The following UGT2A3 variants were observed in gnomAD, a reference collection of about 807,000 sequenced individuals.
UGT2A3 encodes UDP-glucuronosyltransferase 2A3.
UGT2A3 carries 55 observed loss-of-function variants against 44.1 expected under a neutral mutation model. The observed-to-expected ratio is 1.25, with a 90% CI of 1.00 to 1.56. The LOEUF (loss-of-function observed/expected upper bound fraction) is 1.56. Among genes scored for constraint, UGT2A3 ranks in the 40% most tolerant of loss-of-function variants. The pLI is 0.00. For missense variants in UGT2A3, 733 were observed against 621.6 expected (o/e 1.18, Z -1.91); for synonymous variants, 243 against 215.1 (o/e 1.13, Z -1.13).
At chr4:68,942,640 A>G (rs1242271292) in intron 2 of UGT2A3, among the ~76,000 whole-genome samples, 3 of 150,898 alleles carry the variant, frequency 2.0e-5, no homozygotes, top group Non-Finnish European at 4.4e-5. Flanking sequence ...CCTCCAGGGC[A>G]TAATGTTAAC....
Position 68,929,377 on chromosome 4 carries a change from G to A in UGT2A3, c.*436C>T, listed in dbSNP as rs1364213018. 6.5e-6 allele frequency: 1 copy of A among 153,518 alleles called. No individual in the cohort carries two copies. The highest frequency in any genetic ancestry group is 1.4e-5 in the Non-Finnish European group (1 of 69,056). The allele number at this position is 153,518 out of a possible 1,614,324, so 9.5% of individuals were successfully genotyped here. ...TAAATTGAAAAAGAAACATCATTAT[G>A]TTTCTCATAGCCAGCTAATCTCATA... On this transcript the variant is annotated 3_prime_UTR_variant, in exon 6 of 6. Coordinates refer to ENST00000251566, the MANE Select transcript of UGT2A3 (RefSeq NM_024743.4).
chr4:68,936,152 C>G (rs1717943718), intron 2 of UGT2A3, among the ~76,000 whole-genome samples: 1 of 152,036 alleles, frequency 6.6e-6, no homozygotes, highest in Non-Finnish European at 1.5e-5. Context: ...GTATATTATC[C>G]AGGAGAACTT....
At position 68,945,240 on chromosome 4, in the gene UGT2A3, T is replaced by C. The variant is rs1285658003; in HGVS notation, c.864+66A>G. 10 of 1,577,002 alleles carry C rather than the reference T, an allele frequency of 6.3e-6. No homozygotes were observed. In the East Asian group the frequency reaches 1.6e-4, roughly 25 times the overall value. On this transcript the variant is annotated intron_variant, in intron 2 of 5. Transcript: ENST00000251566. ...CATCATCCTTCTATAACTAAGGTTG[T>C]AATCTTTCAAGGGAAAACAAGTCAT...
intron 1 of UGT2A3, among the ~76,000 whole-genome samples, chr4:68,947,855 G>A (rs1718436245): frequency 6.6e-6 from 1 of 151,804 alleles, no homozygotes; most frequent in South Asian, 2.1e-4. Flanking sequence ...GGTCTCAACA[G>A]TGTGCTTAAA....
intron 1 of UGT2A3, among the ~76,000 whole-genome samples, chr4:68,947,062 A>T (rs1718408396): frequency 6.6e-6 from 1 of 151,632 alleles, no homozygotes; most frequent in African/African-American, 2.4e-5. Flanking sequence ...ACAATTTTTA[A>T]AATTAGACAA....
intron 2 of UGT2A3, among the ~76,000 whole-genome samples, chr4:68,936,434 A>C (rs1717954781): frequency 6.6e-6 from 1 of 152,136 alleles, no homozygotes; most frequent in Admixed American, 6.6e-5. Flanking sequence ...AGAATTTTCA[A>C]CCCAGAATCA....
chr4:68,942,170 C>T (rs1718211387), intron 2 of UGT2A3, among the ~76,000 whole-genome samples: 1 of 151,490 alleles, frequency 6.6e-6, no homozygotes, highest in Middle Eastern at 3.5e-3. Context: ...GATATCTGTC[C>T]TTCTATGTTT....
At chr4:68,931,312 G>A in intron 3 of UGT2A3, 70 bp from the exon 4 acceptor site, 1 of 1,274,392 alleles carries the variant, frequency 7.8e-7, no homozygotes, top group Non-Finnish European at 1.1e-6. Flanking sequence ...TGTAGATATA[G>A]TTATAAATTA....
rs1255649057 is a variant in UGT2A3, at chr4:68,929,681, G to A, written c.*132C>T. 1 of 831,906 alleles carries A rather than the reference G, an allele frequency of 1.2e-6. No homozygotes were observed. The allele number at this position is 831,906 out of a possible 1,614,324, so 51.5% of individuals were successfully genotyped here. On this transcript the variant is annotated 3_prime_UTR_variant, in exon 6 of 6. Coordinates refer to ENST00000251566, the MANE Select transcript of UGT2A3 (RefSeq NM_024743.4). ...GATATACTCACAACCTCATGATCGT[G>A]GAATTCTAGGCTATATAGCTAAGAT...
At position 68,929,891 on chromosome 4, in the gene UGT2A3, A is replaced by C; in HGVS notation, c.1506T>G (p.Ala502=). 3 of 1,612,976 alleles carry C rather than the reference A, an allele frequency of 1.9e-6. No individual in the cohort carries two copies. The highest frequency in any genetic ancestry group is 2.5e-6 in the Non-Finnish European group (3 of 1,179,268). ...IGFLLACVAT[A]IFLFTKCFLF... ...AAAAACATTTTGTGAACAAGAATATAGCAGTTGCCACACAGGCCAGCAGGA... is the reference window on the plus strand; with the variant it reads ...AAAAACATTTTGTGAACAAGAATATCGCAGTTGCCACACAGGCCAGCAGGA... The change falls in exon 6 of 6, where the codon GCT becomes GCG. Residue 502 remains alanine, a synonymous_variant. Transcript: ENST00000251566.
intron 2 of UGT2A3, among the ~76,000 whole-genome samples, chr4:68,942,601 A>T (rs1243568523): frequency 6.7e-6 from 1 of 150,304 alleles, no homozygotes; most frequent in African/African-American, 2.4e-5. Context: ...AAAGAATGAA[A>T]TCCTGTCATT....
At chr4:68,942,504 G>GATATATATATATATATATATATAT (rs34118122) in intron 2 of UGT2A3, among the ~76,000 whole-genome samples, 10 of 131,006 alleles carry the variant, frequency 7.6e-5, no homozygotes, top group Non-Finnish European at 1.4e-4. Flanking sequence ...TTCCACTGGA[G>GATATATATATATATATATATATAT]ATATATATAT....
Position 68,930,070 on chromosome 4 carries a change from A to AAATGTT in UGT2A3, c.1326_1327insAACATT (p.Arg442_Leu443insAsnIle). The AAATGTT allele has an allele frequency of 6.2e-7, 1 of 1,611,472 alleles. No homozygotes were observed. The highest frequency in any genetic ancestry group is 1.3e-5 in the African/African-American group (1 of 74,926). ...GGTTGATCATGGTGAATTCTTGATA[A>AAATGTT]TCTCATAGCATTCTCTTTATAACTG... On this transcript the variant is annotated inframe_insertion, in exon 6 of 6. Transcript: ENST00000251566.
intron 4 of UGT2A3, among the ~76,000 whole-genome samples, 158 bp from the exon 5 acceptor site, chr4:68,930,923 C>A (rs1224789423): frequency 6.6e-6 from 1 of 152,102 alleles, no homozygotes; most frequent in Non-Finnish European, 1.5e-5. Flanking sequence ...AAGATCATTT[C>A]TATCTCCAGA....
chr4:68,932,782 A>C, intron 2 of UGT2A3, 23 bp from the exon 3 acceptor site: 2 of 1,598,724 alleles, frequency 1.3e-6, no homozygotes, highest in Non-Finnish European at 1.7e-6. Context: ...ATTTATCTGC[A>C]TTACAGAGGC....
intron 2 of UGT2A3, among the ~76,000 whole-genome samples, chr4:68,934,461 C>T (rs1292907723): frequency 6.6e-6 from 1 of 151,826 alleles, no homozygotes; most frequent in Non-Finnish European, 1.5e-5. Context: ...GGAAAATCAG[C>T]AAAATATTGA....
intron 1 of UGT2A3, among the ~76,000 whole-genome samples, chr4:68,949,266 T>C (rs943018059): frequency 6.6e-6 from 1 of 151,848 alleles, no homozygotes. Context: ...TGGTTTAAAT[T>C]GAGAGACCTG....
At position 68,945,290 on chromosome 4, in the gene UGT2A3, A is replaced by G. The variant is rs774895946; in HGVS notation, c.864+16T>C. 17 of 1,610,144 alleles carry G rather than the reference A, an allele frequency of 1.1e-5. No individual in the cohort carries two copies. Among genetic ancestry groups the G allele is most frequent in the Admixed American group, 8.4e-5 (5 of 59,664 alleles). On this transcript the variant is annotated intron_variant, in intron 2 of 5. Coordinates refer to ENST00000251566, the MANE Select transcript of UGT2A3 (RefSeq NM_024743.4). ...TGTCATAAAGTACATAATATTCCTTAATACAATAGTCCTACCTTAGGCAAA... is the reference window on the plus strand; with the variant it reads ...TGTCATAAAGTACATAATATTCCTTGATACAATAGTCCTACCTTAGGCAAA...
chr4:68,949,973 T>A (rs1718519336), intron 1 of UGT2A3, among the ~76,000 whole-genome samples: 1 of 151,960 alleles, frequency 6.6e-6, no homozygotes, highest in African/African-American at 2.4e-5. Context: ...TGGAAAATGC[T>A]CTTTCACCCC....
Sources: allele counts gnomAD v4.1 joint callset (sites outside exome capture counted in the v4.1 genomes callset), GRCh38; gene constraint gnomAD v4.1.1; transcripts MANE v1.5; gene names NCBI Gene and HGNC (gene_info 2026-07-23, HGNC 2026-07-21).